Variants in YIPF7 observed in about 807,000 individuals in gnomAD.
The protein encoded by YIPF7 is protein YIPF7.
A neutral mutation model predicts 27.2 loss-of-function variants in YIPF7; 35 were observed. The ratio of observed to expected loss-of-function variants is 1.29; its 90% CI spans 0.98 to 1.70. The LOEUF (loss-of-function observed/expected upper bound fraction) is 1.70, where lower values mean the gene tolerates loss of function less well. Ranked by LOEUF, YIPF7 falls within the 40% of genes most tolerant of loss-of-function variation. The pLI is 0.00. For missense variants in YIPF7, 358 were observed against 303.7 expected (o/e 1.18, Z -1.33); for synonymous variants, 137 against 110.4 (o/e 1.24, Z -1.51).
upstream of YIPF7, among the ~76,000 whole-genome samples, chr4:44,654,064 AC>A (rs200283712): frequency 8.0e-3 from 1,217 of 152,224 alleles, 16 homozygotes; most frequent in Non-Finnish European, 0.01. Flanking sequence ...TGAATTATAA[AC>A]CATGGAACAT....
At chr4:44,649,357 G>A (rs965781794) in intron 2 of YIPF7, among the ~76,000 whole-genome samples, 1 of 152,172 alleles carries the variant, frequency 6.6e-6, no homozygotes, top group Non-Finnish European at 1.5e-5. Context: ...GAATTTCTCT[G>A]CCATTTCCTG....
At chr4:44,650,863 G>A (rs559312077) in intron 1 of YIPF7, among the ~76,000 whole-genome samples, 1 of 152,270 alleles carries the variant, frequency 6.6e-6, no homozygotes, top group East Asian at 1.9e-4. Context: ...ACTGAGAGAA[G>A]GAAGAGGTAT....
intron 2 of YIPF7, among the ~76,000 whole-genome samples, chr4:44,658,437 T>C (rs1355009208): frequency 6.6e-6 from 1 of 152,172 alleles, no homozygotes; most frequent in Non-Finnish European, 1.5e-5. Context: ...CACTTTTTTA[T>C]TGAAGCCTGA....
intron 2 of YIPF7, among the ~76,000 whole-genome samples, chr4:44,660,125 A>AAAAAAAAAAAAAAAAAAAAAAAAC (rs1560332843): frequency 6.8e-6 from 1 of 146,200 alleles, no homozygotes; most frequent in Non-Finnish European, 1.5e-5. Context: ...AAAAAAAAAA[A>AAAAAAAAAAAAAAAAAAAAAAAAC]AAAAAAAAAA....
At chr4:44,622,749 C>T (rs1341298816) in intron 5 of YIPF7, among the ~76,000 whole-genome samples, 173 bp from the exon 6 acceptor site, 2 of 152,120 alleles carry the variant, frequency 1.3e-5, no homozygotes, top group Admixed American at 1.3e-4. Context: ...ATTTTTTAGT[C>T]AAATTCATTA....
chr4:44,653,021 C>T (rs1713782198), upstream of YIPF7, among the ~76,000 whole-genome samples: 1 of 151,990 alleles, frequency 6.6e-6, no homozygotes, highest in African/African-American at 2.4e-5. Flanking sequence ...GATTTGAATA[C>T]TCAGGGAAGG....
chr4:44,648,079 AC>A (rs1713590039), intron 2 of YIPF7, among the ~76,000 whole-genome samples: 1 of 152,104 alleles, frequency 6.6e-6, no homozygotes, highest in South Asian at 2.1e-4. Flanking sequence ...TAATCAAACA[AC>A]CTTGAGCTAA....
intron 2 of YIPF7, among the ~76,000 whole-genome samples, chr4:44,637,567 T>A (rs1190827071): frequency 6.6e-6 from 1 of 152,212 alleles, no homozygotes; most frequent in Non-Finnish European, 1.5e-5. Flanking sequence ...TCTATTCATA[T>A]TCTTGCCCAC....
chr4:44,660,117 A>AAAAAAAAAAAAAAAAAC (rs1714005683), intron 2 of YIPF7, among the ~76,000 whole-genome samples: 1 of 143,512 alleles, frequency 7.0e-6, no homozygotes, highest in African/African-American at 2.5e-5. Context: ...CTGTCTCAAA[A>AAAAAAAAAAAAAAAAAC]AAAAAAAAAA....
At chr4:44,652,947 C>G (rs1713779976), upstream of YIPF7, among the ~76,000 whole-genome samples, 1 of 151,922 alleles carries the variant, frequency 6.6e-6, no homozygotes, top group Non-Finnish European at 1.5e-5. Context: ...TCACATTATC[C>G]AAGATAATTT....
At chr4:44,625,445 T>C (rs1296819446) in intron 4 of YIPF7, among the ~76,000 whole-genome samples, 2 of 152,176 alleles carry the variant, frequency 1.3e-5, no homozygotes, top group Non-Finnish European at 2.9e-5. Context: ...ACAAGTCCTA[T>C]CCCAAAATAA....
At chr4:44,625,612 G>T (rs1385045351) in intron 4 of YIPF7, among the ~76,000 whole-genome samples, 2 of 152,074 alleles carry the variant, frequency 1.3e-5, no homozygotes, top group African/African-American at 2.4e-5. Context: ...TACTGTCAAA[G>T]GAAGTTAGTA....
intron 2 of YIPF7, among the ~76,000 whole-genome samples, chr4:44,641,122 C>T (rs1713308971): frequency 6.6e-6 from 1 of 152,106 alleles, no homozygotes; most frequent in Non-Finnish European, 1.5e-5. Context: ...GACTCTCACT[C>T]ACCCTCTCCT....
Position 44,636,055 on chromosome 4 carries a change from G to A in YIPF7, c.147C>T (p.Ala49=). The A allele has an allele frequency of 6.2e-7, 1 of 1,612,162 alleles. No homozygotes were observed. Among genetic ancestry groups the A allele is most frequent in the Non-Finnish European group, 8.5e-7 (1 of 1,178,816 alleles). Residue 49 remains alanine (A), a synonymous_variant, in exon 3 of 6, where the codon GCC becomes GCT. Coordinates refer to ENST00000415895, the MANE Select transcript of YIPF7 (RefSeq NM_182592.3). The part of the protein sequence containing the change: ...KQQAGEQPQP[A]SFVPSEMLMS... ...TGAGCATCTCTGATGGAACAAAGGA[G>A]GCAGGCTGAGGCTGCTCACCAGCTT...
At chr4:44,660,124 A>AAAAAAAAAAAAAAAAC (rs1188319616) in intron 2 of YIPF7, among the ~76,000 whole-genome samples, 1 of 146,028 alleles carries the variant, frequency 6.8e-6, no homozygotes, top group African/African-American at 2.5e-5. Flanking sequence ...AAAAAAAAAA[A>AAAAAAAAAAAAAAAAC]AAAAAAAAAA....
At chr4:44,633,399 A>G (rs1321998648) in intron 3 of YIPF7, among the ~76,000 whole-genome samples, 1 of 152,202 alleles carries the variant, frequency 6.6e-6, no homozygotes, top group African/African-American at 2.4e-5. Flanking sequence ...AGAAAAGATT[A>G]CTTTCAACAA....
intron 1 of YIPF7, 109 bp from the exon 2 acceptor site, chr4:44,650,210 A>G (rs1713681849): frequency 1.4e-6 from 1 of 721,632 alleles, no homozygotes; most frequent in Non-Finnish European, 2.4e-6. Flanking sequence ...TCCTATCAGA[A>G]AAAAAGATGT....
At chr4:44,660,113 CAAAAAAAAA>C (rs11461675) in intron 2 of YIPF7, among the ~76,000 whole-genome samples, 2 of 25,514 alleles carry the variant, frequency 7.8e-5, no homozygotes, top group Non-Finnish European at 1.6e-4. Flanking sequence ...GACTCTGTCT[CAAAAAAAAA>C]AAAAAAAAAA....
chr4:44,638,670 T>C (rs1456583555), intron 2 of YIPF7, among the ~76,000 whole-genome samples: 1 of 152,218 alleles, frequency 6.6e-6, no homozygotes, highest in Admixed American at 6.5e-5. Context: ...TGTTGATTAT[T>C]TCTTTTGCTG....
Sources: gnomAD v4.1 joint callset for allele counts (sites outside exome capture counted in the v4.1 genomes callset) on GRCh38, gnomAD v4.1.1 for gene constraint, MANE v1.5 for transcripts, NCBI Gene and HGNC (gene_info 2026-07-23, HGNC 2026-07-21) for gene names.